The following NPTXR variants were observed in gnomAD, a reference collection of about 807,000 sequenced individuals.
NPTXR encodes neuronal pentraxin receptor.
NPTXR carries 12 observed loss-of-function variants against 32.2 expected under a neutral mutation model. The observed-to-expected ratio is 0.37, with a 90% CI of 0.24 to 0.60. The LOEUF (loss-of-function observed/expected upper bound fraction) is 0.60. NPTXR is among the 20% of genes least tolerant of loss of function. The pLI, the probability that NPTXR is intolerant of heterozygous loss-of-function variation, is 0.66. For missense variants in NPTXR, 612 were observed against 682.9 expected (o/e 0.90, Z 1.16); for synonymous variants, 323 against 315.8 (o/e 1.02, Z -0.24).
intron 1 of NPTXR, among the ~76,000 whole-genome samples, chr22:38,830,599 C>T (rs775244990): frequency 6.6e-6 from 1 of 152,184 alleles, no homozygotes; most frequent in Non-Finnish European, 1.5e-5. Flanking sequence ...CCTCTCTTGG[C>T]ATCTGCCAAG....
chr22:38,830,172 C>A (rs1046869845), intron 1 of NPTXR, among the ~76,000 whole-genome samples: 7 of 152,180 alleles, frequency 4.6e-5, no homozygotes, highest in African/African-American at 1.7e-4. Context: ...GGAACCGGCC[C>A]TCGGCTCTGC....
rs1281304776 is a variant in NPTXR, at chr22:38,818,825, C to T, written c.*3784G>A. ...TAGTCCCTTCTCTGGGAGGGAGCCC[C>T]TTTCCAAGTTTACTCAGGCCAAGGG... On this transcript the variant is annotated 3_prime_UTR_variant, in exon 5 of 5. Transcript: ENST00000333039. This position sits in a 1 kb window ranked among gnomAD's most constrained non-coding sequence, Gnocchi z 4.5. The T allele has an allele frequency of 6.6e-6, 1 of 152,240 alleles. No homozygotes were observed. Among genetic ancestry groups the T allele is most frequent in the Non-Finnish European group, 1.5e-5 (1 of 68,142 alleles). 9.4% of individuals were successfully genotyped at this position (152,240 alleles called of 1,614,324 possible). A position where few individuals can be genotyped will look rare whatever the true frequency, so the allele number is the denominator to read the frequency against.
intron 3 of NPTXR, among the ~76,000 whole-genome samples, chr22:38,825,346 C>A (rs763229841): frequency 6.6e-6 from 1 of 152,140 alleles, no homozygotes; most frequent in Non-Finnish European, 1.5e-5. Context: ...CTTCCCCTCT[C>A]TGAGCCTCAG....
chr22:38,822,657 A>G lies in NPTXR; in HGVS notation c.1455T>C (p.Gly485=), dbSNP rs61737785. 3,707 of 1,613,846 alleles carry G rather than the reference A, an allele frequency of 2.3e-3. 65 individuals carry two copies. In the African/African-American group the frequency reaches 0.042, roughly 18 times the overall value. The stretch of plus-strand genomic sequence containing the variant: ...AGACATCGAAGGCAGCCTTTGTTGC[A>G]CCCCCAAAGGCCTCCACCAACTTGT... The change falls in exon 5 of 5, where the codon GGT becomes GGC. Residue 485 remains glycine, a synonymous_variant. Coordinates refer to ENST00000333039, the MANE Select transcript of NPTXR (RefSeq NM_014293.4).
At chr22:38,841,034 G>A (rs1046912618) in intron 1 of NPTXR, among the ~76,000 whole-genome samples, 2 of 152,194 alleles carry the variant, frequency 1.3e-5, no homozygotes, top group Non-Finnish European at 2.9e-5. Context: ...ATCCTGGGAG[G>A]GAAAGGAGAC....
chr22:38,843,380 C>A lies in NPTXR; in HGVS notation c.479G>T (p.Arg160Leu). 7.1e-7 allele frequency: 1 copy of A among 1,409,008 alleles called. No individual in the cohort carries two copies. The allele number at this position is 1,409,008 out of a possible 1,614,324, so 87.3% of individuals were successfully genotyped here. The change falls in exon 1 of 5, where the codon CGC becomes CTC. Residue 160 changes from arginine to leucine, a missense_variant. By Grantham distance (102) the Arg-to-Leu change is moderately radical. Coordinates refer to ENST00000333039, the MANE Select transcript of NPTXR (RefSeq NM_014293.4). The surrounding 1 kb of genome is among the most constrained non-coding windows in gnomAD (Gnocchi z 5.3). The stretch of plus-strand genomic sequence containing the variant: ...GCCGCGCGGCAGGCCGCTCTCGCAG[C>A]GGCCCAGCTTGCCGGTGAGCTCACG...
In NPTXR at chr22:38,828,497, G is replaced by A. The variant is rs866663029; in HGVS notation, c.640C>T (p.Arg214Cys). 6.9e-6 allele frequency: 11 copies of A among 1,600,708 alleles called. No individual in the cohort carries two copies. The highest frequency in any genetic ancestry group is 2.3e-5 in the East Asian group (1 of 44,396). Residue 214 changes from arginine (R) to cysteine (C), a missense_variant, in exon 2 of 5, where the codon CGT becomes TGT. Transcript: ENST00000333039. Reference sequence around the variant, plus strand: ...GCTGGGGCAGCTGAGAGGTTCACACGGGCTGGAAGCTCCTGCTGTTCACAG... The same window carrying A: ...GCTGGGGCAGCTGAGAGGTTCACACAGGCTGGAAGCTCCTGCTGTTCACAG...
At chr22:38,832,945 G>A (rs1469337811) in intron 1 of NPTXR, among the ~76,000 whole-genome samples, 3 of 152,242 alleles carry the variant, frequency 2.0e-5, no homozygotes, top group African/African-American at 7.2e-5. Context: ...ACTGATAGGA[G>A]GGTCCTGCCA....
intron 3 of NPTXR, among the ~76,000 whole-genome samples, chr22:38,826,003 C>G (rs1051769669): frequency 6.6e-6 from 1 of 152,238 alleles, no homozygotes; most frequent in Non-Finnish European, 1.5e-5. Context: ...CCACCACACC[C>G]GGCTAATTTT....
In NPTXR at chr22:38,821,522, G is replaced by A. The variant is rs2093097030; in HGVS notation, c.*1087C>T. The A allele has an allele frequency of 6.6e-6, 1 of 152,466 alleles. No individual in the cohort carries two copies. Among genetic ancestry groups the A allele is most frequent in the South Asian group, 2.1e-4 (1 of 4,832 alleles). 9.4% of individuals were successfully genotyped at this position (152,466 alleles called of 1,614,324 possible). On this transcript the variant is annotated 3_prime_UTR_variant, in exon 5 of 5. Transcript: ENST00000333039. ...CACAGAGAAGCTCACACCCAATCTG[G>A]AGAGCAAATGACCAAAGCGAGGGCC...
intron 1 of NPTXR, among the ~76,000 whole-genome samples, chr22:38,839,476 C>T (rs1363497258): frequency 6.6e-6 from 1 of 152,196 alleles, no homozygotes; most frequent in African/African-American, 2.4e-5. Flanking sequence ...AAAACCCCAT[C>T]TCTATTTAAA....
chr22:38,841,404 G>C (rs2093131451), intron 1 of NPTXR, among the ~76,000 whole-genome samples: 1 of 152,268 alleles, frequency 6.6e-6, no homozygotes, highest in Non-Finnish European at 1.5e-5. Context: ...CTAACCGGAA[G>C]GGAGGCCACC....
Position 38,818,796 on chromosome 22 carries a change from A to C in NPTXR, c.*3813T>G, listed in dbSNP as rs1442060870. On this transcript the variant is annotated 3_prime_UTR_variant, in exon 5 of 5. Coordinates refer to ENST00000333039, the MANE Select transcript of NPTXR (RefSeq NM_014293.4). This position sits in a 1 kb window ranked among gnomAD's most constrained non-coding sequence, Gnocchi z 4.5. ...AGGCAGCTGGAATAAAGGGGTGAAG[A>C]GAGTAGTCCCTTCTCTGGGAGGGAG... is the stretch of plus-strand genomic sequence containing the variant. The C allele has an allele frequency of 1.3e-5, 2 of 152,128 alleles. No homozygotes were observed. Among genetic ancestry groups the C allele is most frequent in the African/African-American group, 4.8e-5 (2 of 41,364 alleles). 9.4% of individuals were successfully genotyped at this position (152,128 alleles called of 1,614,324 possible). A position where few individuals can be genotyped will look rare whatever the true frequency, so the allele number is the denominator to read the frequency against.
At chr22:38,825,843 T>C (rs868182217) in intron 3 of NPTXR, among the ~76,000 whole-genome samples, 43,247 of 125,018 alleles carry the variant, frequency 0.35, 6,960 homozygotes, top group East Asian at 0.7. Flanking sequence ...TCTCTCTCTT[T>C]TTTTTTTTTT....
chr22:38,823,374 C>A, intron 3 of NPTXR, 112 bp from the exon 4 acceptor site: 1 of 917,908 alleles, frequency 1.1e-6, no homozygotes, highest in South Asian at 1.6e-5. Context: ...CAGGGCCCGA[C>A]CCCAGGCCTG....
chr22:38,834,631 T>C lies in NPTXR; in HGVS notation c.625-6119A>G, dbSNP rs917814493. 6.7e-6 allele frequency among the ~76,000 whole-genome samples: 1 copy of C among 149,910 alleles called. No homozygotes were observed. The highest frequency in any genetic ancestry group is 1.5e-5 in the Non-Finnish European group (1 of 67,826). ...ATCCATCCATCCATCCATCCATCCATCCATCCATGTGTGCCGCAGCAACAT... is the reference window on the plus strand; with the variant it reads ...ATCCATCCATCCATCCATCCATCCACCCATCCATGTGTGCCGCAGCAACAT... On this transcript the variant is annotated intron_variant, in intron 1 of 4. Transcript: ENST00000333039. The surrounding 1 kb of genome is among the most constrained non-coding windows in gnomAD (Gnocchi z 4.4).
At chr22:38,841,453 G>A (rs961960556) in intron 1 of NPTXR, among the ~76,000 whole-genome samples, 41 of 152,356 alleles carry the variant, frequency 2.7e-4, no homozygotes, top group Non-Finnish European at 4.7e-4. Context: ...CAGGTCCAAG[G>A]CAGGTCCAAG....
chr22:38,824,444 G>A (rs113814043), intron 3 of NPTXR, among the ~76,000 whole-genome samples: 1,792 of 152,228 alleles, frequency 0.012, 30 homozygotes, highest in African/African-American at 0.041. Flanking sequence ...ACAAAATAAC[G>A]GAGGGCATAT....
chr22:38,822,856 A>G, intron 4 of NPTXR, 23 bp from the exon 5 acceptor site: 1 of 1,602,850 alleles, frequency 6.2e-7, no homozygotes, highest in Non-Finnish European at 8.5e-7. Flanking sequence ...AGCAGCAGAG[A>G]AAGGAGAGGC....
Sources: allele counts gnomAD v4.1 joint callset (sites outside exome capture counted in the v4.1 genomes callset), GRCh38; gene constraint gnomAD v4.1.1; non-coding constraint Gnocchi (gnomAD v3.1); transcripts MANE v1.5; gene names NCBI Gene and HGNC (gene_info 2026-07-23, HGNC 2026-07-21).